FAT4: variants seen among roughly 807,000 people sequenced by gnomAD.
FAT4 encodes FAT atypical cadherin 4, also known as protocadherin Fat 4.
In FAT4, 84 loss-of-function variants were observed where a neutral mutation model predicts 303.9. The observed-to-expected ratio is 0.28, with a 90% CI of 0.23 to 0.33. The LOEUF is 0.33. FAT4 is among the 10% of genes least tolerant of loss of function. The probability of loss-of-function intolerance (pLI) is 1.00; values close to 1 mark genes in which losing one functional copy is unlikely to be tolerated. For synonymous variants in FAT4, 2,307 were observed against 2,298.8 expected (o/e 1.00, Z -0.10); for missense variants, 6,005 against 6,146.8 (o/e 0.98, Z 0.77).
chr4:125,436,193 T>TAA (rs34055140), intron 8 of FAT4, among the ~76,000 whole-genome samples: 6,218 of 148,520 alleles, frequency 0.042, 404 homozygotes, highest in African/African-American at 0.14. Context: ...AGTATAATAA[T>TAA]AAAAAAAAAA....
intron 2 of FAT4, among the ~76,000 whole-genome samples, chr4:125,360,944 T>TTA (rs1560778430): frequency 6.7e-5 from 9 of 133,666 alleles, no homozygotes; most frequent in Admixed American, 2.4e-4. Flanking sequence ...TTTTATTATT[T>TTA]TTATTTTATT....
intron 2 of FAT4, among the ~76,000 whole-genome samples, chr4:125,322,677 T>C (rs1036799070): frequency 1.3e-5 from 2 of 151,968 alleles, no homozygotes; most frequent in African/African-American, 4.8e-5. Context: ...CTTCTTTTCT[T>C]TTTTGGGGGG....
At chr4:125,393,542 G>A (rs1008070984) in intron 2 of FAT4, among the ~76,000 whole-genome samples, 10 of 151,938 alleles carry the variant, frequency 6.6e-5, no homozygotes, top group Non-Finnish European at 1.5e-4. Flanking sequence ...TAATCCCCAT[G>A]TATAATAACA....
Position 125,393,306 on chromosome 4 carries a change from C to A in FAT4, c.5176-5478C>A, listed in dbSNP as rs117387383. Among the ~76,000 whole-genome samples, 839 of 152,158 alleles carry A rather than the reference C, an allele frequency of 5.5e-3. 36 individuals carry two copies. In the East Asian group the frequency reaches 0.08, roughly 15 times the overall value. On this transcript the variant is annotated intron_variant, in intron 2 of 17. Transcript: ENST00000394329. The stretch of plus-strand genomic sequence containing the variant: ...TGTGGTTGAGGTGGCAACCACCATG[C>A]AATTATCAGTTTATTAACAGGGGAA...
chr4:125,357,164 G>T (rs887086676), intron 2 of FAT4, among the ~76,000 whole-genome samples: 1 of 152,074 alleles, frequency 6.6e-6, no homozygotes, highest in African/African-American at 2.4e-5. Context: ...TCAACTATGA[G>T]TCTGTGTTTC....
At chr4:125,485,875 C>CAGCTCCT (rs1727390951) in intron 16 of FAT4, among the ~76,000 whole-genome samples, 1 of 152,140 alleles carries the variant, frequency 6.6e-6, no homozygotes, top group Non-Finnish European at 1.5e-5. Context: ...AATAATTTTT[C>CAGCTCCT]AGCTCCTATG....
rs1229408002 is a variant in FAT4, at chr4:125,317,317, G to C, written c.906G>C (p.Thr302=). 4 of 1,606,288 alleles carry C rather than the reference G, an allele frequency of 2.5e-6. No individual in the cohort carries two copies. The South Asian group carries it at 3.3e-5, about 13-fold the overall frequency. The change falls in exon 2 of 18, where the codon ACG becomes ACC. Residue 302 remains threonine, a synonymous_variant. Transcript: ENST00000394329. The surrounding 1 kb of genome is among the most constrained non-coding windows in gnomAD (Gnocchi z 7.0). ...EGTPFQMDPE[T]GLITVREPLD... ...CCCCCTTCCAAATGGACCCTGAGAC[G>C]GGACTTATCACGGTGCGGGAGCCCC... is the stretch of plus-strand genomic sequence containing the variant.
chr4:125,382,744 G>T (rs1379056027), intron 2 of FAT4, among the ~76,000 whole-genome samples: 1 of 152,172 alleles, frequency 6.6e-6, no homozygotes, highest in African/African-American at 2.4e-5. Flanking sequence ...GTCTCATGTG[G>T]CATCTACCAG....
chr4:125,370,813 A>G (rs560226699), intron 2 of FAT4, among the ~76,000 whole-genome samples: 5 of 152,222 alleles, frequency 3.3e-5, no homozygotes, highest in East Asian at 1.9e-4. Flanking sequence ...AAATTTCAAA[A>G]TTTTATAGAA....
Position 125,316,423 on chromosome 4 carries a change from A to G in FAT4, c.12A>G (p.Ala4=), listed in dbSNP as rs1730588823. ...AGGGAGCCAGGACCATGGACTTAGC[A>G]CCAGACAGGGCTACTGGCCGCCCGT... MDL[A]PDRATGRPWL... is the part of the protein sequence containing the mutation. Residue 4 remains alanine, a synonymous_variant, in exon 2 of 18, where the codon GCA becomes GCG. Coordinates refer to ENST00000394329, the MANE Select transcript of FAT4 (RefSeq NM_001291303.3). This position sits in a 1 kb window ranked among gnomAD's most constrained non-coding sequence, Gnocchi z 5.7. 3.1e-6 allele frequency: 5 copies of G among 1,610,246 alleles called. No homozygotes were observed. Among genetic ancestry groups the G allele is most frequent in the Non-Finnish European group, 4.2e-6 (5 of 1,177,660 alleles).
chr4:125,486,304 GA>G (rs1398526148), intron 16 of FAT4, among the ~76,000 whole-genome samples: 1 of 151,528 alleles, frequency 6.6e-6, no homozygotes, highest in Non-Finnish European at 1.5e-5. Flanking sequence ...TTATTATCTG[GA>G]AAAATTGGCT....
rs574038979 is a variant in FAT4 at position 125,414,913 on chromosome 4, G to A, written c.5950G>A (p.Ala1984Thr). The change falls in exon 6 of 18, where the codon GCT (alanine) becomes ACT (threonine). Residue 1984 changes from alanine (A) to threonine (T), a missense_variant. Physicochemically the swap from Ala to Thr is moderately conservative, Grantham distance 58. Coordinates refer to ENST00000394329, the MANE Select transcript of FAT4 (RefSeq NM_001291303.3). ...GINSQLTYSIASGDSLGQFTV... is the reference protein window; with the variant it reads ...GINSQLTYSITSGDSLGQFTV... ...CAACTCTCAATTGACTTATAGCATT[G>A]CTTCAGGTGATAGCCTTGGGCAGTT... 16 of 1,606,236 alleles carry A rather than the reference G, an allele frequency of 1.0e-5. No homozygotes were observed. The East Asian group carries it at 3.1e-4, about 32-fold the overall frequency.
intron 7 of FAT4, among the ~76,000 whole-genome samples, chr4:125,432,668 A>G (rs1725321655): frequency 6.6e-6 from 1 of 151,968 alleles, no homozygotes; most frequent in South Asian, 2.1e-4. Flanking sequence ...ATTGAGGGCT[A>G]TTTTTCCCTT....
rs537085104 is a variant in FAT4 at position 125,463,474 on chromosome 4, A to C, written c.11801-89A>C. ...ATTTCTTTTCTCCGTGATATGCCTT[A>C]GGAAAGATTTTTACGTATGGTAATG... On this transcript the variant is annotated intron_variant, in intron 10 of 17. Coordinates refer to ENST00000394329, the MANE Select transcript of FAT4 (RefSeq NM_001291303.3). 4.5e-4 allele frequency: 294 copies of C among 657,680 alleles called. 2 individuals carry two copies. In the East Asian group the frequency reaches 7.9e-3, roughly 18 times the overall value. 40.7% of individuals were successfully genotyped at this position (657,680 alleles called of 1,614,324 possible).
At chr4:125,457,687 G>A (rs1726332651) in intron 10 of FAT4, among the ~76,000 whole-genome samples, 1 of 151,646 alleles carries the variant, frequency 6.6e-6, no homozygotes, top group Non-Finnish European at 1.5e-5. Flanking sequence ...TAGAAAAGAT[G>A]GATAAAGTTT....
chr4:125,492,391 G>A lies in FAT4; in HGVS notation c.*623G>A, dbSNP rs950349368. On this transcript the variant is annotated 3_prime_UTR_variant, in exon 18 of 18. Coordinates refer to ENST00000394329, the MANE Select transcript of FAT4 (RefSeq NM_001291303.3). ...TTATAGAATTGTCTTAAAACTTCTG[G>A]ATCCTTGAGCAAATGATTATAGTCT... 1 of 152,312 alleles carries A rather than the reference G, an allele frequency of 6.6e-6. No individual in the cohort carries two copies. Among genetic ancestry groups the A allele is most frequent in the African/African-American group, 2.4e-5 (1 of 41,404 alleles). 9.4% of individuals were successfully genotyped at this position (152,312 alleles called of 1,614,324 possible).
intron 2 of FAT4, among the ~76,000 whole-genome samples, chr4:125,334,591 T>G (rs910332952): frequency 6.6e-6 from 1 of 152,178 alleles, no homozygotes; most frequent in Non-Finnish European, 1.5e-5. Flanking sequence ...TTTAACAATT[T>G]TGAGATGTTT....
chr4:125,400,321 C>T lies in FAT4; in HGVS notation c.5307+1406C>T, dbSNP rs1004146460. ...ATTACAGGAATCACAGGTAGAATTG[C>T]ATTTGGAAATTTAGTTGTTTTAATC... On this transcript the variant is annotated intron_variant, in intron 3 of 17. Coordinates refer to ENST00000394329, the MANE Select transcript of FAT4 (RefSeq NM_001291303.3). Among the ~76,000 whole-genome samples, 4 of 151,988 alleles carry T rather than the reference C, an allele frequency of 2.6e-5. No homozygotes were observed. The East Asian group carries it at 7.7e-4, about 29-fold the overall frequency.
Position 125,450,785 on chromosome 4 carries a change from G to C in FAT4, c.9775G>C (p.Asp3259His). The change falls in exon 10 of 18, where the codon GAT (aspartate) becomes CAT (histidine). Residue 3259 changes from aspartate to histidine, a missense_variant. Transcript: ENST00000394329. Reference protein sequence around the residue: ...TGVITTQGFLDFETKQSYHLT... With the variant: ...TGVITTQGFLHFETKQSYHLT... ...AGTCATAACCACTCAAGGCTTCTTG[G>C]ATTTTGAAACCAAGCAGAGCTACCA... The C allele has an allele frequency of 3.7e-6, 6 of 1,614,052 alleles. No individual in the cohort carries two copies. The highest frequency in any genetic ancestry group is 5.1e-6 in the Non-Finnish European group (6 of 1,180,002).
Sources: gnomAD v4.1 joint callset for allele counts (sites outside exome capture counted in the v4.1 genomes callset) on GRCh38, gnomAD v4.1.1 for gene constraint, Gnocchi (gnomAD v3.1) non-coding constraint, MANE v1.5 for transcripts, NCBI Gene and HGNC (gene_info 2026-07-23, HGNC 2026-07-21) for gene names.